The following PPP5C variants were observed in gnomAD, a reference collection of about 807,000 sequenced individuals.
PPP5C encodes the protein protein phosphatase 5 catalytic subunit, also known as serine/threonine-protein phosphatase 5.
PPP5C carries 21 observed loss-of-function variants against 66.7 expected under a neutral mutation model. The ratio of observed to expected loss-of-function variants is 0.31; its 90% CI spans 0.22 to 0.45. The LOEUF is 0.45. Among genes scored for constraint, PPP5C ranks in the 20% least tolerant of loss-of-function variants. The pLI, the probability that PPP5C is intolerant of heterozygous loss-of-function variation, is 1.00. For missense variants in PPP5C, 464 were observed against 675.9 expected (o/e 0.69, Z 3.48); for synonymous variants, 246 against 257.4 (o/e 0.96, Z 0.43).
intron 2 of PPP5C, among the ~76,000 whole-genome samples, chr19:46,363,286 C>G (rs1383626320): frequency 1.3e-5 from 1 of 79,552 alleles, no homozygotes; most frequent in Non-Finnish European, 2.2e-5. Flanking sequence ...CCAGCCTGGG[C>G]GACAGAGCGA....
chr19:46,365,263 G>A (rs1283737742), intron 2 of PPP5C, among the ~76,000 whole-genome samples: 3 of 152,132 alleles, frequency 2.0e-5, no homozygotes, highest in East Asian at 1.9e-4. Flanking sequence ...GATTACAAGC[G>A]TGAGCCACCA....
intron 6 of PPP5C, chr19:46,384,487 TG>T: frequency 3.0e-6 from 1 of 337,196 alleles, no homozygotes; most frequent in Admixed American, 4.0e-5. Flanking sequence ...CAGGCCTCTC[TG>T]AGGAGAGCTG....
At chr19:46,375,980 G>A (rs538685906) in intron 3 of PPP5C, among the ~76,000 whole-genome samples, 9 of 152,234 alleles carry the variant, frequency 5.9e-5, no homozygotes, top group East Asian at 1.9e-4. Context: ...GCCATTTCAC[G>A]GGCCCTTCCT....
intron 9 of PPP5C, chr19:46,387,689 A>G: frequency 6.9e-7 from 1 of 1,449,096 alleles, no homozygotes. Context: ...CGCCGAGCAC[A>G]CCTGTCCTTA....
chr19:46,387,624 G>C (rs1435060813), intron 9 of PPP5C, 171 bp downstream of exon 9: 1 of 1,528,138 alleles, frequency 6.5e-7, no homozygotes, highest in Non-Finnish European at 8.8e-7. Flanking sequence ...CTCCTTCATG[G>C]GGCTGTGATG....
Position 46,363,307 on chromosome 19 carries a change from C to CA in PPP5C, c.363+9358dup, listed in dbSNP as rs1158423038. Among the ~76,000 whole-genome samples, 10 of 27,948 alleles carry CA rather than the reference C, an allele frequency of 3.6e-4. 3 individuals are homozygous for CA. The highest frequency in any genetic ancestry group is 7.3e-4 in the African/African-American group (4 of 5,452). 18.3% of individuals were successfully genotyped at this position (27,948 alleles called of 152,430 possible). A position where few individuals can be genotyped will look rare whatever the true frequency, so the allele number is the denominator to read the frequency against. ...TGGGCGACAGAGCGAGACTCCATCT[C>CA]AAAAAAAAAAAAAAAAAAAAAAAAA... On this transcript the variant is annotated intron_variant, in intron 2 of 12. Transcript: ENST00000012443.
chr19:46,373,980 G>A (rs149002926), intron 2 of PPP5C, among the ~76,000 whole-genome samples: 3,104 of 152,272 alleles, frequency 0.02, 47 homozygotes, highest in Middle Eastern at 0.037. Flanking sequence ...GTATAGAGGG[G>A]TGGGAGGAGC....
At chr19:46,351,859 A>G (rs1352060870) in intron 1 of PPP5C, among the ~76,000 whole-genome samples, 1 of 152,230 alleles carries the variant, frequency 6.6e-6, no homozygotes, top group Non-Finnish European at 1.5e-5. Context: ...GGGCTGGGGC[A>G]GCCCAGTCGG....
intron 2 of PPP5C, among the ~76,000 whole-genome samples, chr19:46,370,783 C>A (rs1157315021): frequency 6.6e-6 from 1 of 152,084 alleles, no homozygotes; most frequent in African/African-American, 2.4e-5. Flanking sequence ...CTCTGTCGCC[C>A]ATGCTGGAGT....
Position 46,383,930 on chromosome 19 carries a change from C to T in PPP5C, c.798+52C>T, listed in dbSNP as rs1211462711. 6.2e-6 allele frequency: 9 copies of T among 1,447,724 alleles called. No homozygotes were observed. Among genetic ancestry groups the T allele is most frequent in the Admixed American group, 3.4e-5 (2 of 59,678 alleles). The allele number at this position is 1,447,724 out of a possible 1,614,324, so 89.7% of individuals were successfully genotyped here. ...TCCCCACCTCCACCCCCAGCCGCAG[C>T]CTCAGGTCTGCACAGAGTGGGAGGA... On this transcript the variant is annotated intron_variant, in intron 6 of 12. Transcript: ENST00000012443. This position sits in a 1 kb window ranked among gnomAD's most constrained non-coding sequence, Gnocchi z 5.0.
intron 3 of PPP5C, 116 bp downstream of exon 3, chr19:46,375,867 G>C (rs974674003): frequency 2.1e-6 from 3 of 1,444,154 alleles, no homozygotes; most frequent in Non-Finnish European, 2.7e-6. Flanking sequence ...CCCCAGGCTG[G>C]TGTCTGTCGC....
Position 46,383,672 on chromosome 19 carries a change from C to A in PPP5C, c.700-108C>A. 9.4e-7 allele frequency: 1 copy of A among 1,065,732 alleles called. No individual in the cohort carries two copies. The highest frequency in any genetic ancestry group is 1.4e-6 in the Non-Finnish European group (1 of 712,450). 66.0% of individuals were successfully genotyped at this position (1,065,732 alleles called of 1,614,324 possible). On this transcript the variant is annotated intron_variant, in intron 5 of 12. Coordinates refer to ENST00000012443, the MANE Select transcript of PPP5C (RefSeq NM_006247.4). The surrounding 1 kb of genome is among the most constrained non-coding windows in gnomAD (Gnocchi z 5.0). Reference sequence around the variant, plus strand: ...TTGTGTTCCCTGCTTGTGTCTCTTGCATGATTCTTCTTGGTCTACTGTGAA... The same window carrying A: ...TTGTGTTCCCTGCTTGTGTCTCTTGAATGATTCTTCTTGGTCTACTGTGAA...
chr19:46,347,502 C>T (rs911703245), intron 1 of PPP5C, among the ~76,000 whole-genome samples: 1 of 151,622 alleles, frequency 6.6e-6, no homozygotes, highest in Non-Finnish European at 1.5e-5. Flanking sequence ...CGCTACCAAA[C>T]GTGAGGCCTG....
intron 11 of PPP5C, 43 bp from the exon 12 acceptor site, chr19:46,389,998 ACCAGCCCCAC>A (rs1904278603): frequency 1.3e-6 from 2 of 1,560,018 alleles, no homozygotes; most frequent in African/African-American, 2.7e-5. Flanking sequence ...CTCTTAACCC[ACCAGCCCCAC>A]CCAGCCCTGA....
chr19:46,376,688 C>A lies in PPP5C; in HGVS notation c.633+114C>A. The A allele has an allele frequency of 7.0e-7, 1 of 1,422,410 alleles. No homozygotes were observed. The highest frequency in any genetic ancestry group is 9.6e-7 in the Non-Finnish European group (1 of 1,042,238). The allele number at this position is 1,422,410 out of a possible 1,614,324, so 88.1% of individuals were successfully genotyped here. A position where few individuals can be genotyped will look rare whatever the true frequency, so the allele number is the denominator to read the frequency against. ...AGAAGGGCGGCCATGACAGCCAACA[C>A]CAAACAGGAGTCGTGTGCCGGACAC... On this transcript the variant is annotated intron_variant, in intron 4 of 12. Coordinates refer to ENST00000012443, the MANE Select transcript of PPP5C (RefSeq NM_006247.4). The surrounding 1 kb of genome is among the most constrained non-coding windows in gnomAD (Gnocchi z 5.1).
At chr19:46,380,798 A>G (rs187678356) in intron 4 of PPP5C, among the ~76,000 whole-genome samples, 23 of 151,954 alleles carry the variant, frequency 1.5e-4, no homozygotes, top group East Asian at 5.8e-4. Context: ...TCTTTGTTCT[A>G]TATAGTCTGC....
At chr19:46,384,765 T>A in intron 6 of PPP5C, 39 bp from the exon 7 acceptor site, 17 of 1,078,636 alleles carry the variant, frequency 1.6e-5, no homozygotes, top group Non-Finnish European at 2.3e-5. Flanking sequence ...CACCGCACCC[T>A]TCCCCTCCAC....
chr19:46,362,506 A>G (rs1972408848), intron 2 of PPP5C, among the ~76,000 whole-genome samples: 1 of 152,186 alleles, frequency 6.6e-6, no homozygotes, highest in South Asian at 2.1e-4. Context: ...GATTTGAGAA[A>G]CCTTTTTAAG....
At chr19:46,362,709 G>A (rs1225450053) in intron 2 of PPP5C, among the ~76,000 whole-genome samples, 2 of 152,058 alleles carry the variant, frequency 1.3e-5, no homozygotes, top group Non-Finnish European at 2.9e-5. Context: ...TATCATAGAA[G>A]TAAGAACCTT....
Sources: gnomAD v4.1 joint callset for allele counts (sites outside exome capture counted in the v4.1 genomes callset) on GRCh38, gnomAD v4.1.1 for gene constraint, Gnocchi (gnomAD v3.1) non-coding constraint, MANE v1.5 for transcripts, NCBI Gene and HGNC (gene_info 2026-07-23, HGNC 2026-07-21) for gene names.